Variants in POLD3 observed in about 807,000 individuals in gnomAD.
The protein encoded by POLD3 is DNA polymerase delta 3, accessory subunit.
In POLD3, 19 loss-of-function variants were observed where a neutral mutation model predicts 58.2. The observed-to-expected ratio is 0.33, with a 90% CI of 0.23 to 0.48. The LOEUF is 0.48. Among genes scored for constraint, POLD3 ranks in the 20% least tolerant of loss-of-function variants. The probability of loss-of-function intolerance (pLI) is 0.99; values close to 1 mark genes in which losing one functional copy is unlikely to be tolerated. For synonymous variants in POLD3, 172 were observed against 193.5 expected (o/e 0.89, Z 0.92); for missense variants, 504 against 545.5 (o/e 0.92, Z 0.76).
chr11:74,598,915 A>G (rs970979758), intron 2 of POLD3, among the ~76,000 whole-genome samples: 3 of 152,214 alleles, frequency 2.0e-5, no homozygotes, highest in African/African-American at 7.2e-5. Context: ...AGAAGAGCAT[A>G]TGGAATGGAA....
chr11:74,644,028 T>C (rs1324170680), downstream of POLD3, among the ~76,000 whole-genome samples: 3 of 152,200 alleles, frequency 2.0e-5, no homozygotes, highest in African/African-American at 7.2e-5. Flanking sequence ...GTATTTCTTC[T>C]TTGACACTCT....
At chr11:74,652,851 TG>T in intron 4 of POLD3, 1 of 170,474 alleles carries the variant, frequency 5.9e-6, no homozygotes, top group South Asian at 1.5e-4. Flanking sequence ...GACCCAGCTT[TG>T]GCAGCACAAT....
In POLD3 at chr11:74,643,070, G is replaced by A; in HGVS notation, c.*2304G>A. Reference sequence around the variant, plus strand: ...TAAAATGAGTTACCAAGGGTGTCAAGACTAAAGTCAAGTGTATGTAGCATG... The same window carrying A: ...TAAAATGAGTTACCAAGGGTGTCAAAACTAAAGTCAAGTGTATGTAGCATG... On this transcript the variant is annotated 3_prime_UTR_variant, in exon 12 of 12. Coordinates refer to ENST00000263681, the MANE Select transcript of POLD3 (RefSeq NM_006591.3). 3.0e-6 allele frequency: 1 copy of A among 332,680 alleles called. No homozygotes were observed. The highest frequency in any genetic ancestry group is 4.3e-6 in the Non-Finnish European group (1 of 233,706). 20.6% of individuals were successfully genotyped at this position (332,680 alleles called of 1,614,324 possible).
At chr11:74,666,598 A>T (rs1445197905) in intron 4 of POLD3, among the ~76,000 whole-genome samples, 16 of 152,162 alleles carry the variant, frequency 1.1e-4, no homozygotes, top group Admixed American at 1.0e-3. Flanking sequence ...AAATGGAAAC[A>T]CTTCATGTGC....
intron 7 of POLD3, among the ~76,000 whole-genome samples, chr11:74,620,442 A>T (rs1013356276): frequency 6.6e-6 from 1 of 152,176 alleles, no homozygotes; most frequent in Non-Finnish European, 1.5e-5. Context: ...AATAACGTGG[A>T]TGCTAGAGTC....
intron 9 of POLD3, among the ~76,000 whole-genome samples, 199 bp from the exon 10 acceptor site, chr11:74,634,384 T>G (rs556137152): frequency 1.3e-5 from 2 of 152,354 alleles, no homozygotes; most frequent in African/African-American, 2.4e-5. Context: ...TAATTCTTGA[T>G]TCTCTGATTT....
Position 74,618,319 on chromosome 11 carries a change from C to G in POLD3, c.393-218C>G, listed in dbSNP as rs141693382. On this transcript the variant is annotated intron_variant, in intron 5 of 11. Transcript: ENST00000263681. ...TAGATGTATAACCTAGTAAAAGTGA[C>G]TCACTTCTCTCTAATATTTGTTTCT... Among the ~76,000 whole-genome samples the G allele has an allele frequency of 5.0e-3, 758 of 152,276 alleles. 8 individuals carry two copies. The highest frequency in any genetic ancestry group is 6.8e-3 in the Non-Finnish European group (463 of 68,028).
intron 4 of POLD3, among the ~76,000 whole-genome samples, chr11:74,655,305 A>C (rs937106175): frequency 1.3e-5 from 2 of 152,276 alleles, no homozygotes; most frequent in Admixed American, 6.5e-5. Context: ...CAAACGAGAG[A>C]GATCAATGGT....
downstream of POLD3, among the ~76,000 whole-genome samples, chr11:74,646,437 A>G (rs997379455): frequency 4.6e-5 from 7 of 152,344 alleles, no homozygotes; most frequent in Non-Finnish European, 7.4e-5. Context: ...CAAAGATTCA[A>G]TTATGTTCAG....
In POLD3 at chr11:74,619,181, C is replaced by T. The variant is rs187900739; in HGVS notation, c.660+377C>T. Among the ~76,000 whole-genome samples the T allele has an allele frequency of 3.0e-3, 450 of 152,260 alleles. 3 individuals carry two copies. Among genetic ancestry groups the T allele is most frequent in the African/African-American group, 0.01 (432 of 41,544 alleles). On this transcript the variant is annotated intron_variant, in intron 6 of 11. Coordinates refer to ENST00000263681, the MANE Select transcript of POLD3 (RefSeq NM_006591.3). ...ATATTCTGGGCTTTGCAACATATACCTTCCTTCCTAGTGTATTTCCCATTC... is the reference window on the plus strand; with the variant it reads ...ATATTCTGGGCTTTGCAACATATACTTTCCTTCCTAGTGTATTTCCCATTC...
chr11:74,618,639 G>T lies in POLD3; in HGVS notation c.495G>T (p.Glu165Asp). The change falls in exon 6 of 12, where the codon GAG becomes GAT. Residue 165 changes from glutamate (E) to aspartate (D), a missense_variant. Transcript: ENST00000263681. ...FEQSHLHMSS[E>D]TQANNELTTN... ...AGTCACATCTTCACATGTCAAGTGA[G>T]ACACAAGCCAACAATGAGCTGACCA... 4 of 1,614,122 alleles carry T rather than the reference G, an allele frequency of 2.5e-6. No individual in the cohort carries two copies. Among genetic ancestry groups the T allele is most frequent in the Non-Finnish European group, 3.4e-6 (4 of 1,180,018 alleles).
chr11:74,598,372 T>G (rs2031353652), intron 2 of POLD3, among the ~76,000 whole-genome samples: 1 of 152,176 alleles, frequency 6.6e-6, no homozygotes, highest in South Asian at 2.1e-4. Flanking sequence ...TATATGTCTT[T>G]CCCCACTAGA....
chr11:74,592,663 C>T lies in POLD3; in HGVS notation c.5C>T (p.Ala2Val), dbSNP rs1428245734. 3.7e-6 allele frequency: 6 copies of T among 1,612,658 alleles called. No homozygotes were observed. Among genetic ancestry groups the T allele is most frequent in the African/African-American group, 1.3e-5 (1 of 75,008 alleles). MADQLYLENIDE... is the reference protein window; with the variant it reads MVDQLYLENIDE... ...GGGTCCCAGCGCTGCCGCACCATGG[C>T]GGACCAGCTTTATCTGGAAAATATA... is the stretch of plus-strand genomic sequence containing the variant. The change falls in exon 1 of 12, where the codon GCG becomes GTG. Residue 2 changes from alanine to valine, a missense_variant. Physicochemically the swap from Ala to Val is moderately conservative, Grantham distance 64. Coordinates refer to ENST00000263681, the MANE Select transcript of POLD3 (RefSeq NM_006591.3).
At chr11:74,618,908 A>G (rs984365122) in intron 6 of POLD3, 104 bp downstream of exon 6, 35 of 969,582 alleles carry the variant, frequency 3.6e-5, no homozygotes, top group Middle Eastern at 2.9e-4. Context: ...AGATTCTGAT[A>G]TTCAGTTCTG....
chr11:74,642,644 T>C lies in POLD3; in HGVS notation c.*1878T>C. On this transcript the variant is annotated 3_prime_UTR_variant, in exon 12 of 12. Transcript: ENST00000263681. Reference sequence around the variant, plus strand: ...AGCTGTCTGCAAGGCTTAGTAAGTATTGAGTGGTGTTTTTTTTTTCTTTTT... The same window carrying C: ...AGCTGTCTGCAAGGCTTAGTAAGTACTGAGTGGTGTTTTTTTTTTCTTTTT... The C allele has an allele frequency of 1.0e-6, 1 of 982,948 alleles. No homozygotes were observed. The highest frequency in any genetic ancestry group is 1.2e-6 in the Non-Finnish European group (1 of 828,306). The allele number at this position is 982,948 out of a possible 1,614,324, so 60.9% of individuals were successfully genotyped here. A position where few individuals can be genotyped will look rare whatever the true frequency, so the allele number is the denominator to read the frequency against.
chr11:74,651,344 T>G (rs1489382060), intron 4 of POLD3, among the ~76,000 whole-genome samples: 3 of 152,236 alleles, frequency 2.0e-5, no homozygotes, highest in Non-Finnish European at 4.4e-5. Context: ...GCATTAGTTC[T>G]CTATCCCTGA....
Position 74,641,506 on chromosome 11 carries a change from G to A in POLD3, c.*740G>A, listed in dbSNP as rs1465073968. 2 of 985,342 alleles carry A rather than the reference G, an allele frequency of 2.0e-6. No individual in the cohort carries two copies. The highest frequency in any genetic ancestry group is 3.5e-5 in the African/African-American group (2 of 57,224). 61.0% of individuals were successfully genotyped at this position (985,342 alleles called of 1,614,324 possible). A position where few individuals can be genotyped will look rare whatever the true frequency, so the allele number is the denominator to read the frequency against. On this transcript the variant is annotated 3_prime_UTR_variant, in exon 12 of 12. Coordinates refer to ENST00000263681, the MANE Select transcript of POLD3 (RefSeq NM_006591.3). ...TCAACTCCACCAGAAATTACCTCGAGTCAGCATTGACGATATTGGAGGAGC... is the reference window on the plus strand; with the variant it reads ...TCAACTCCACCAGAAATTACCTCGAATCAGCATTGACGATATTGGAGGAGC...
chr11:74,593,111 T>A, intron 1 of POLD3: 1 of 842,388 alleles, frequency 1.2e-6, no homozygotes, highest in Non-Finnish European at 1.5e-6. Context: ...ACAAGTTGCG[T>A]AACCTCCAGA....
chr11:74,618,507 A>G lies in POLD3; in HGVS notation c.393-30A>G, dbSNP rs200726903. The G allele has an allele frequency of 8.0e-4, 1,251 of 1,558,356 alleles. 1 individual carries two copies. The highest frequency in any genetic ancestry group is 9.3e-4 in the Non-Finnish European group (1,062 of 1,142,908). On this transcript the variant is annotated intron_variant, in intron 5 of 11. Transcript: ENST00000263681. Reference sequence around the variant, plus strand: ...ACCACCCAAGAATGCATATGCTGACATTAACTTAATGTAACATTTCTGTCC... The same window carrying G: ...ACCACCCAAGAATGCATATGCTGACGTTAACTTAATGTAACATTTCTGTCC...
Sources: gnomAD v4.1 joint callset for allele counts (sites outside exome capture counted in the v4.1 genomes callset) on GRCh38, gnomAD v4.1.1 for gene constraint, MANE v1.5 for transcripts, NCBI Gene and HGNC (gene_info 2026-07-23, HGNC 2026-07-21) for gene names.